Variants in ADAMTS18 observed in about 807,000 individuals in gnomAD.
The protein encoded by ADAMTS18 is ADAM metallopeptidase with thrombospondin type 1 motif 18, also known as A disintegrin and metalloproteinase with thrombospondin motifs 18.
A neutral mutation model predicts 165.9 loss-of-function variants in ADAMTS18; 157 were observed. The ratio of observed to expected loss-of-function variants is 0.95; its 90% CI spans 0.83 to 1.08. The LOEUF is 1.08. Among genes scored for constraint, ADAMTS18 ranks in the 50% least tolerant of loss-of-function variants. ADAMTS18 has a pLI of 0.00. For missense variants in ADAMTS18, 2,040 were observed against 1,534.0 expected (o/e 1.33, Z -5.51); for synonymous variants, 782 against 578.2 (o/e 1.35, Z -5.06).
intron 8 of ADAMTS18, 23 bp downstream of exon 8, chr16:77,359,295 T>C (rs780998990): frequency 8.8e-6 from 14 of 1,590,824 alleles, no homozygotes; most frequent in Non-Finnish European, 1.1e-5. Flanking sequence ...TCACATAAAG[T>C]AGTGGTTCAA....
Position 77,316,409 on chromosome 16 carries a change from C to G in ADAMTS18, c.2532+3440G>C, listed in dbSNP as rs1049735316. On this transcript the variant is annotated intron_variant, in intron 16 of 22. Coordinates refer to ENST00000282849, the MANE Select transcript of ADAMTS18 (RefSeq NM_199355.4). ...AGCTGGGACTATAGGCATGCGCCACCATACCCAGCTAATTTTTGTATTTTT... is the reference window on the plus strand; with the variant it reads ...AGCTGGGACTATAGGCATGCGCCACGATACCCAGCTAATTTTTGTATTTTT... 2.0e-5 allele frequency among the ~76,000 whole-genome samples: 3 copies of G among 152,072 alleles called. No homozygotes were observed. In the East Asian group the frequency reaches 5.8e-4, roughly 30 times the overall value.
chr16:77,431,566 T>C lies in ADAMTS18; in HGVS notation c.224A>G (p.Tyr75Cys). ...GTTGTGCAAAATGTCGTGTGAAATATATGACCCGGCTGAGTCTACTTCTAC... is the reference window on the plus strand; with the variant it reads ...GTTGTGCAAAATGTCGTGTGAAATACATGACCCGGCTGAGTCTACTTCTAC... ...TPVEVDSAGSYISHDILHNGR... is the reference protein window; with the variant it reads ...TPVEVDSAGSCISHDILHNGR... Residue 75 changes from tyrosine (Y) to cysteine (C), a missense_variant, in exon 3 of 23, where the codon TAT (tyrosine) becomes TGT (cysteine). By Grantham distance (194) the Tyr-to-Cys change is radical (BLOSUM62 -2). Coordinates refer to ENST00000282849, the MANE Select transcript of ADAMTS18 (RefSeq NM_199355.4). 6.2e-7 allele frequency: 1 copy of C among 1,614,172 alleles called. No homozygotes were observed. The highest frequency in any genetic ancestry group is 8.5e-7 in the Non-Finnish European group (1 of 1,180,036).
intron 10 of ADAMTS18, among the ~76,000 whole-genome samples, chr16:77,350,708 G>C (rs913404667): frequency 6.6e-6 from 1 of 152,130 alleles, no homozygotes; most frequent in Non-Finnish European, 1.5e-5. Context: ...CTGAGCATCA[G>C]GGTCATCTAG....
chr16:77,424,699 A>G (rs530525539), intron 3 of ADAMTS18, among the ~76,000 whole-genome samples: 3 of 152,210 alleles, frequency 2.0e-5, no homozygotes, highest in African/African-American at 2.4e-5. Flanking sequence ...GAACAAAATA[A>G]CAAAAAAAAA....
intron 9 of ADAMTS18, among the ~76,000 whole-genome samples, 192 bp from the exon 10 acceptor site, chr16:77,354,078 C>G (rs2056594744): frequency 6.6e-6 from 1 of 152,110 alleles, no homozygotes; most frequent in Non-Finnish European, 1.5e-5. Flanking sequence ...TGTACACAGC[C>G]AGGAAGGGTT....
At chr16:77,396,848 C>G (rs1173192045) in intron 3 of ADAMTS18, among the ~76,000 whole-genome samples, 1 of 151,334 alleles carries the variant, frequency 6.6e-6, no homozygotes, top group African/African-American at 2.4e-5. Context: ...ACCCTGTCTC[C>G]CAGGCTGCAG....
chr16:77,434,532 G>T (rs373287979), intron 1 of ADAMTS18, 27 bp from the exon 2 acceptor site: 6 of 1,540,952 alleles, frequency 3.9e-6, no homozygotes, highest in Non-Finnish European at 5.2e-6. Flanking sequence ...GACATCGCGC[G>T]TGAGGGGCGC....
At chr16:77,416,457 G>A (rs754626307) in intron 3 of ADAMTS18, among the ~76,000 whole-genome samples, 1 of 152,156 alleles carries the variant, frequency 6.6e-6, no homozygotes, top group Non-Finnish European at 1.5e-5. Context: ...TGAATCATGG[G>A]GGTGGTTTTC....
At chr16:77,433,065 T>C (rs939232188) in intron 2 of ADAMTS18, among the ~76,000 whole-genome samples, 10 of 152,180 alleles carry the variant, frequency 6.6e-5, no homozygotes, top group African/African-American at 2.4e-4. Context: ...ACCTTGAAAA[T>C]CTGAGCCAGA....
At chr16:77,421,063 A>T (rs977389667) in intron 3 of ADAMTS18, among the ~76,000 whole-genome samples, 26 of 152,230 alleles carry the variant, frequency 1.7e-4, no homozygotes, top group Non-Finnish European at 2.9e-4. Flanking sequence ...GACTTGTAGT[A>T]AATTAGTGAT....
chr16:77,398,898 T>C (rs1291883325), intron 3 of ADAMTS18, among the ~76,000 whole-genome samples: 2 of 152,020 alleles, frequency 1.3e-5, no homozygotes, highest in Admixed American at 6.6e-5. Context: ...GATGTTTGGG[T>C]GGGATGAGAA....
chr16:77,319,308 G>C (rs1019780615), intron 16 of ADAMTS18, among the ~76,000 whole-genome samples: 1 of 152,136 alleles, frequency 6.6e-6, no homozygotes, highest in Non-Finnish European at 1.5e-5. Context: ...AAGCATATTG[G>C]TGAAAGGTTG....
chr16:77,385,899 G>A (rs914811672), intron 3 of ADAMTS18, among the ~76,000 whole-genome samples: 1 of 152,184 alleles, frequency 6.6e-6, no homozygotes, highest in African/African-American at 2.4e-5. Flanking sequence ...ATTAAGAGAT[G>A]TTAGCAATTG....
chr16:77,293,329 C>A (rs4888618), intron 19 of ADAMTS18, 71 bp from the exon 20 acceptor site: 1,250,013 of 1,283,108 alleles, frequency 0.97, 610,943 homozygotes, highest in East Asian at 0.99. Flanking sequence ...AAAAAAACAA[C>A]ACACTAAATA....
intron 3 of ADAMTS18, among the ~76,000 whole-genome samples, chr16:77,410,832 C>G (rs2057453127): frequency 2.0e-5 from 3 of 152,140 alleles, no homozygotes; most frequent in Admixed American, 2.0e-4. Flanking sequence ...CTTCTAGCAC[C>G]CAGCCAATAT....
At position 77,283,897 on chromosome 16, in the gene ADAMTS18, T is replaced by G; in HGVS notation, c.*59A>C. 7.5e-7 allele frequency: 1 copy of G among 1,330,370 alleles called. No homozygotes were observed. Among genetic ancestry groups the G allele is most frequent in the Non-Finnish European group, 1.1e-6 (1 of 923,054 alleles). The allele number at this position is 1,330,370 out of a possible 1,614,324, so 82.4% of individuals were successfully genotyped here. On this transcript the variant is annotated 3_prime_UTR_variant, in exon 23 of 23. Transcript: ENST00000282849. ...AGCTCCTGGTCTCAAAGGCAGCTGG[T>G]CTCTCTAGAGGTTGAAAGGTAAGCC...
chr16:77,429,857 C>T (rs1226731033), intron 3 of ADAMTS18, among the ~76,000 whole-genome samples: 2 of 152,208 alleles, frequency 1.3e-5, no homozygotes, highest in Admixed American at 1.3e-4. Context: ...AATTGAATCC[C>T]CACTGCCCTG....
At chr16:77,372,291 A>C (rs958848208) in intron 3 of ADAMTS18, among the ~76,000 whole-genome samples, 1 of 152,248 alleles carries the variant, frequency 6.6e-6, no homozygotes, top group African/African-American at 2.4e-5. Context: ...AAATGAACTC[A>C]GTATGTTGAA....
At chr16:77,418,438 G>T (rs779222625) in intron 3 of ADAMTS18, among the ~76,000 whole-genome samples, 8 of 152,110 alleles carry the variant, frequency 5.3e-5, no homozygotes, top group Non-Finnish European at 1.2e-4. Context: ...CATAACTGGG[G>T]GTTGCTACTG....
Sources: allele counts gnomAD v4.1 joint callset (sites outside exome capture counted in the v4.1 genomes callset), GRCh38; gene constraint gnomAD v4.1.1; transcripts MANE v1.5; gene names NCBI Gene and HGNC (gene_info 2026-07-23, HGNC 2026-07-21).